EYS: variants seen among roughly 807,000 people sequenced by gnomAD.
EYS encodes EGF-like photoreceptor maintenance factor, also known as protein eyes shut homolog.
A neutral mutation model predicts 282.1 loss-of-function variants in EYS; 250 were observed. The observed-to-expected ratio is 0.89, with a 90% confidence interval of 0.80 to 0.98. EYS has a LOEUF of 0.98. Among genes scored for constraint, EYS ranks in the 50% least tolerant of loss-of-function variants. EYS has a pLI of 0.00. For synonymous variants in EYS, 1,355 were observed against 1,282.9 expected, an observed-to-expected ratio of 1.06 and a Z score of -1.20; for missense variants, 4,016 against 3,709.0, an observed-to-expected ratio of 1.08 and a Z score of -2.15.
intron 35 of EYS, among the ~76,000 whole-genome samples, chr6:63,911,707 G>T (rs1295845737): frequency 6.6e-6 from 1 of 151,924 alleles, no homozygotes; most frequent in Non-Finnish European, 1.5e-5. Context: ...AATTTTTTAG[G>T]TTAAATACAA....
At chr6:64,228,285 A>C (rs1766309822) in intron 31 of EYS, among the ~76,000 whole-genome samples, 1 of 152,208 alleles carries the variant, frequency 6.6e-6, no homozygotes, top group African/African-American at 2.4e-5. Context: ...TTTAATATTT[A>C]CGAATAAAAT....
At chr6:64,904,029 T>C (rs1377457871) in intron 16 of EYS, among the ~76,000 whole-genome samples, 1 of 152,162 alleles carries the variant, frequency 6.6e-6, no homozygotes, top group Non-Finnish European at 1.5e-5. Context: ...ATATTAAATA[T>C]GATTTTTAAA....
intron 29 of EYS, among the ~76,000 whole-genome samples, chr6:64,321,061 T>C (rs1770203310): frequency 6.6e-6 from 1 of 151,802 alleles, no homozygotes; most frequent in Non-Finnish European, 1.5e-5. Context: ...GTTATTGACT[T>C]TCAAGTTTCT....
At chr6:65,318,482 C>T (rs1769374845) in intron 11 of EYS, among the ~76,000 whole-genome samples, 1 of 147,068 alleles carries the variant, frequency 6.8e-6, no homozygotes, top group Non-Finnish European at 1.5e-5. Flanking sequence ...CAGGCAGGGT[C>T]ATTGAGGGTC....
At chr6:64,441,754 G>C (rs1561996654) in intron 26 of EYS, among the ~76,000 whole-genome samples, 1 of 152,166 alleles carries the variant, frequency 6.6e-6, no homozygotes, top group African/African-American at 2.4e-5. Flanking sequence ...CCCTGCACAA[G>C]CTATCTCTGC....
intron 31 of EYS, among the ~76,000 whole-genome samples, chr6:64,105,748 T>C (rs1772988542): frequency 6.6e-6 from 1 of 152,144 alleles, no homozygotes; most frequent in Non-Finnish European, 1.5e-5. Flanking sequence ...CTCCATGTTC[T>C]TTCATGACAT....
intron 13 of EYS, among the ~76,000 whole-genome samples, chr6:65,025,292 T>C (rs994043698): frequency 2.0e-5 from 3 of 152,156 alleles, no homozygotes; most frequent in South Asian, 4.1e-4. Context: ...ACTGGAGCAA[T>C]TGCATATCAC....
chr6:64,723,416 C>G (rs1430030883), intron 22 of EYS, among the ~76,000 whole-genome samples: 1 of 152,196 alleles, frequency 6.6e-6, no homozygotes, highest in Non-Finnish European at 1.5e-5. Flanking sequence ...AAAAACGGCA[C>G]TGCAGGATGC....
chr6:64,170,457 T>G (rs1336766059), intron 31 of EYS, among the ~76,000 whole-genome samples: 2 of 152,148 alleles, frequency 1.3e-5, no homozygotes, highest in East Asian at 1.9e-4. Context: ...ATACCCCTTC[T>G]GAAGGCTCTA....
At chr6:64,154,482 C>A (rs1043622285) in intron 31 of EYS, among the ~76,000 whole-genome samples, 2 of 145,150 alleles carry the variant, frequency 1.4e-5, no homozygotes, top group African/African-American at 5.1e-5. Flanking sequence ...CAGGGAGTTT[C>A]AACTTTGTCT....
At chr6:65,300,565 A>G (rs761384649) in intron 11 of EYS, among the ~76,000 whole-genome samples, 58 of 152,210 alleles carry the variant, frequency 3.8e-4, no homozygotes, top group Non-Finnish European at 5.9e-4. Context: ...TCTGGCTGTG[A>G]AGTTAGAGAA....
At chr6:64,061,997 A>AT (rs138347443) in intron 33 of EYS, among the ~76,000 whole-genome samples, 4 of 151,636 alleles carry the variant, frequency 2.6e-5, no homozygotes, top group South Asian at 2.1e-4. Flanking sequence ...CCATCATGCT[A>AT]TTTTTTTTAT....
intron 33 of EYS, among the ~76,000 whole-genome samples, chr6:64,014,787 T>TCA (rs1582134342): frequency 1.3e-5 from 2 of 151,584 alleles, no homozygotes; most frequent in East Asian, 1.9e-4. Context: ...TTATTTTTTT[T>TCA]TTTTTTGGTT....
intron 35 of EYS, among the ~76,000 whole-genome samples, chr6:63,866,206 C>T (rs979278656): frequency 6.9e-6 from 1 of 145,536 alleles, no homozygotes; most frequent in Non-Finnish European, 1.5e-5. Context: ...AGCCGGACCA[C>T]CTAGCAGGTA....
intron 12 of EYS, among the ~76,000 whole-genome samples, chr6:65,185,504 T>G (rs1765495755): frequency 6.6e-6 from 1 of 151,856 alleles, no homozygotes; most frequent in African/African-American, 2.4e-5. Flanking sequence ...CACTGGAGTT[T>G]AATCAATTTA....
intron 12 of EYS, among the ~76,000 whole-genome samples, chr6:65,082,691 G>T (rs1386477502): frequency 6.6e-6 from 1 of 151,934 alleles, no homozygotes; most frequent in Non-Finnish European, 1.5e-5. Flanking sequence ...TGATAATGAA[G>T]GATATATGTA....
intron 33 of EYS, among the ~76,000 whole-genome samples, chr6:64,019,627 T>C (rs1249240739): frequency 6.6e-6 from 1 of 151,764 alleles, no homozygotes; most frequent in Non-Finnish European, 1.5e-5. Context: ...GCCAGGCTGG[T>C]CTCGAACTCC....
chr6:65,578,630 G>T (rs898330329), intron 2 of EYS, among the ~76,000 whole-genome samples: 9 of 151,614 alleles, frequency 5.9e-5, no homozygotes, highest in Non-Finnish European at 1.2e-4. Flanking sequence ...AAGTGTGTGA[G>T]GTAATGCATA....
intron 2 of EYS, among the ~76,000 whole-genome samples, chr6:65,628,654 T>C (rs1425236690): frequency 6.6e-6 from 1 of 151,414 alleles, no homozygotes; most frequent in African/African-American, 2.4e-5. Context: ...CGCGCTACCT[T>C]AAGAGCTGTA....
Sources: allele counts gnomAD v4.1 joint callset (sites outside exome capture counted in the v4.1 genomes callset), GRCh38; gene constraint gnomAD v4.1.1; transcripts MANE v1.5; gene names NCBI Gene and HGNC (gene_info 2026-07-23, HGNC 2026-07-21).